CELF2: variants seen among roughly 807,000 people sequenced by gnomAD.
CELF2 encodes CUGBP Elav-like family member 2, also known as CUG triplet repeat RNA-binding protein 2.
CELF2 carries 8 observed loss-of-function variants against 62.6 expected under a neutral mutation model. The ratio of observed to expected loss-of-function variants is 0.13; its 90% CI spans 0.07 to 0.23. The LOEUF is 0.23. CELF2 is among the 10% of genes least tolerant of loss of function. The pLI, the probability that CELF2 is intolerant of heterozygous loss-of-function variation, is 1.00. For missense variants in CELF2, 333 were observed against 671.0 expected, an observed-to-expected ratio of 0.50 and a Z score of 5.56; for synonymous variants, 258 against 250.0, an observed-to-expected ratio of 1.03 and a Z score of -0.30.
intron 1 of CELF2, among the ~76,000 whole-genome samples, chr10:11,072,237 C>A (rs893577899): frequency 6.6e-6 from 1 of 152,186 alleles, no homozygotes; most frequent in Non-Finnish European, 1.5e-5. Context: ...ATGTGTTTTT[C>A]TCTCCCAGGG....
chr10:10,703,604 T>G, the CELF2 span, among the ~76,000 whole-genome samples: 2 of 152,216 alleles, frequency 1.3e-5, no homozygotes, highest in Non-Finnish European at 2.9e-5. Context: ...TGCGGAATGA[T>G]GTTGTTAAAT....
At chr10:11,325,778 G>A (rs2132549258) in intron 11 of CELF2, 58 bp from the exon 12 acceptor site, 3 of 1,485,502 alleles carry the variant, frequency 2.0e-6, no homozygotes, top group Non-Finnish European at 1.8e-6. Context: ...CCTAAGAAGG[G>A]ACTTTGGAAA....
the CELF2 span, among the ~76,000 whole-genome samples, chr10:10,519,814 G>A: frequency 1.3e-5 from 2 of 152,202 alleles, no homozygotes; most frequent in African/African-American, 4.8e-5. Context: ...ACGTGAGATG[G>A]GGAAGGGTTA....
intron 1 of CELF2, among the ~76,000 whole-genome samples, chr10:10,900,312 T>A (rs931153283): frequency 6.6e-6 from 1 of 152,212 alleles, no homozygotes; most frequent in Non-Finnish European, 1.5e-5. Flanking sequence ...TGAACATAGA[T>A]GTAAAATTCT....
chr10:10,691,706 G>A, the CELF2 span, among the ~76,000 whole-genome samples: 1 of 146,306 alleles, frequency 6.8e-6, no homozygotes, highest in Admixed American at 6.8e-5. Context: ...ATTCTAACTG[G>A]TGTGAGATGG....
At chr10:10,966,598 T>G (rs1214242324) in intron 2 of CELF2, 1 of 152,218 alleles carries the variant, frequency 6.6e-6, no homozygotes, top group African/African-American at 2.4e-5. Context: ...AGATGGTGCT[T>G]GGGACACACA....
intron 2 of CELF2, among the ~76,000 whole-genome samples, chr10:10,955,494 C>T (rs1232475711): frequency 6.6e-6 from 1 of 152,202 alleles, no homozygotes; most frequent in Non-Finnish European, 1.5e-5. Context: ...CAGTTCAGAA[C>T]CACTGCTACA....
intron 1 of CELF2, among the ~76,000 whole-genome samples, chr10:10,815,909 T>G (rs1480842347): frequency 6.6e-6 from 1 of 151,232 alleles, no homozygotes; most frequent in South Asian, 2.1e-4. Context: ...GGGTTGTTTT[T>G]TTTTTTTTTT....
chr10:11,092,855 G>A (rs534132605), intron 1 of CELF2, among the ~76,000 whole-genome samples: 3 of 152,274 alleles, frequency 2.0e-5, no homozygotes, highest in African/African-American at 4.8e-5. Flanking sequence ...ACTGCTAAAC[G>A]AACACTCAGT....
chr10:11,019,472 G>T (rs947003032), intron 1 of CELF2, among the ~76,000 whole-genome samples: 1 of 151,980 alleles, frequency 6.6e-6, no homozygotes, highest in African/African-American at 2.4e-5. Context: ...CCATTTCCCT[G>T]GCAACTAACT....
intron 9 of CELF2, among the ~76,000 whole-genome samples, chr10:11,293,139 C>T (rs2092733147): frequency 6.6e-6 from 1 of 152,234 alleles, no homozygotes; most frequent in South Asian, 2.1e-4. Context: ...AGCCCAGCCA[C>T]GCCGTCGGCC....
At chr10:10,580,257 A>G in the CELF2 span, among the ~76,000 whole-genome samples, 1 of 152,114 alleles carries the variant, frequency 6.6e-6, no homozygotes, top group Non-Finnish European at 1.5e-5. Context: ...AAGAAAAGAG[A>G]AACTAGGGCA....
chr10:10,848,657 G>A (rs2059167159), intron 1 of CELF2, among the ~76,000 whole-genome samples: 2 of 152,150 alleles, frequency 1.3e-5, no homozygotes, highest in African/African-American at 4.8e-5. Context: ...CATCAGAGAG[G>A]AAATGTTTGT....
At chr10:11,064,882 A>G (rs2067675684) in intron 1 of CELF2, among the ~76,000 whole-genome samples, 1 of 152,214 alleles carries the variant, frequency 6.6e-6, no homozygotes, top group Non-Finnish European at 1.5e-5. Flanking sequence ...GGAATCATCT[A>G]ACATTAGACC....
chr10:10,868,354 A>C (rs1459087182), intron 1 of CELF2, among the ~76,000 whole-genome samples: 1 of 152,210 alleles, frequency 6.6e-6, no homozygotes, highest in Non-Finnish European at 1.5e-5. Context: ...TTGTGACTCG[A>C]ATACCTACAT....
At chr10:10,632,355 A>G in the CELF2 span, among the ~76,000 whole-genome samples, 1 of 152,060 alleles carries the variant, frequency 6.6e-6, no homozygotes, top group East Asian at 1.9e-4. Flanking sequence ...GACGTTCACA[A>G]CTGACTATTT....
rs1002527179 is a variant in CELF2, at chr10:11,178,297, C to G, written c.271+12615C>G. Among the ~76,000 whole-genome samples, 1 of 152,176 alleles carries G rather than the reference C, an allele frequency of 6.6e-6. No homozygotes were observed. The highest frequency in any genetic ancestry group is 1.5e-5 in the Non-Finnish European group (1 of 68,022). On this transcript the variant is annotated intron_variant, in intron 2 of 12. Transcript: ENST00000633077. The surrounding 1 kb of genome is among the most constrained non-coding windows in gnomAD (Gnocchi z 4.3). ...CACCAGTCCGTTTTACACAGGCCAC[C>G]ATACAGCTGCCAGGTGGCGCTGGCT...
In CELF2 at chr10:11,022,180, G is replaced by A. The variant is rs186350423; in HGVS notation, c.74+4017G>A. On this transcript the variant is annotated intron_variant, in intron 1 of 12. Transcript: ENST00000633077. The stretch of plus-strand genomic sequence containing the variant: ...GAAAAGTCTAAAGAAAAGACTTTGC[G>A]TATGGTTCTTTAAGGAAAATTTTTG... Among the ~76,000 whole-genome samples the A allele has an allele frequency of 8.5e-4, 129 of 152,296 alleles. 2 individuals carry two copies. Among genetic ancestry groups the A allele is most frequent in the Non-Finnish European group, 1.6e-3 (108 of 68,018 alleles).
chr10:10,542,201 T>C, the CELF2 span, among the ~76,000 whole-genome samples: 1 of 152,118 alleles, frequency 6.6e-6, no homozygotes, highest in Non-Finnish European at 1.5e-5. Flanking sequence ...CTCACATAGC[T>C]CTTTTGAGTC....
Sources: allele counts gnomAD v4.1 joint callset (sites outside exome capture counted in the v4.1 genomes callset), GRCh38; gene constraint gnomAD v4.1.1; non-coding constraint Gnocchi (gnomAD v3.1); transcripts MANE v1.5; gene names NCBI Gene and HGNC (gene_info 2026-07-23, HGNC 2026-07-21).